The following PARP14 variants were observed in gnomAD, a reference collection of about 807,000 sequenced individuals.
The protein encoded by PARP14 is protein mono-ADP-ribosyltransferase PARP14.
PARP14 carries 59 observed loss-of-function variants against 154.2 expected under a neutral mutation model. That is an observed-to-expected ratio of 0.38 (90% CI 0.31 to 0.48). The LOEUF is 0.48. PARP14 is among the 20% of genes least tolerant of loss of function. PARP14 has a pLI of 0.98. For missense variants in PARP14, 1,734 were observed against 2,131.6 expected, an observed-to-expected ratio of 0.81 and a Z score of 3.67; for synonymous variants, 720 against 780.5, an observed-to-expected ratio of 0.92 and a Z score of 1.29.
rs1229373428 is a variant in PARP14, at chr3:122,718,075, T to A, written c.4005T>A (p.Asn1335Lys). Residue 1335 changes from asparagine to lysine, a missense_variant, in exon 13 of 17, where the codon AAT becomes AAA. This residue lies in a region of PARP14 where 1,646 missense variants were observed against 1,976.0 expected (regional missense o/e 0.83). Coordinates refer to ENST00000474629, the MANE Select transcript of PARP14 (RefSeq NM_017554.3). ...TTTTATTATTTGCTTTTCCAGGAAA[T>A]GCCAAACAACACCCAGATAAGGTTG... Reference protein sequence around the residue: ...SICLPAIGTGNAKQHPDKVAE... With the variant: ...SICLPAIGTGKAKQHPDKVAE... 6.2e-7 allele frequency: 1 copy of A among 1,613,260 alleles called. No homozygotes were observed. The highest frequency in any genetic ancestry group is 1.3e-5 in the African/African-American group (1 of 74,888).
At chr3:122,713,802 T>A (rs376752304) in intron 10 of PARP14, 70 bp from the exon 11 acceptor site, 22 of 1,148,230 alleles carry the variant, frequency 1.9e-5, no homozygotes, top group Non-Finnish European at 2.9e-5. Flanking sequence ...ATTCAGATAA[T>A]CCTTCTGATC....
intron 12 of PARP14, among the ~76,000 whole-genome samples, chr3:122,716,129 C>T (rs1932989172): frequency 6.6e-6 from 1 of 152,114 alleles, no homozygotes; most frequent in Non-Finnish European, 1.5e-5. Context: ...AGACTGTGAT[C>T]AAGACAGCCT....
At chr3:122,708,130 T>C in intron 8 of PARP14, 60 bp from the exon 9 acceptor site, 1 of 879,120 alleles carries the variant, frequency 1.1e-6, no homozygotes, top group Non-Finnish European at 1.8e-6. Flanking sequence ...AACACCCTGA[T>C]GATTCCAATT....
chr3:122,700,429 A>G lies in PARP14; in HGVS notation c.1875A>G (p.Gln625=), dbSNP rs1395200482. 3.1e-6 allele frequency: 5 copies of G among 1,613,676 alleles called. No homozygotes were observed. Among genetic ancestry groups the G allele is most frequent in the Non-Finnish European group, 4.2e-6 (5 of 1,179,716 alleles). The change falls in exon 6 of 17, where the codon CAA becomes CAG. Residue 625 remains glutamine (Q), a synonymous_variant. Coordinates refer to ENST00000474629, the MANE Select transcript of PARP14 (RefSeq NM_017554.3). ...TCACTCACAATTTGCTTAAGAAACAAAATTCCTCCCCAAACACTGTAATCA... is the reference window on the plus strand; with the variant it reads ...TCACTCACAATTTGCTTAAGAAACAGAATTCCTCCCCAAACACTGTAATCA... The part of the protein sequence containing the change: ...KGLTHNLLKK[Q]NSSPNTVIIN...
chr3:122,708,600 T>G (rs1347593537), intron 9 of PARP14, among the ~76,000 whole-genome samples: 2 of 152,224 alleles, frequency 1.3e-5, no homozygotes, highest in Non-Finnish European at 2.9e-5. Context: ...TTTGTCAAAT[T>G]TGTTGATGCC....
intron 12 of PARP14, among the ~76,000 whole-genome samples, chr3:122,715,674 A>G (rs1264712518): frequency 2.0e-5 from 3 of 150,438 alleles, no homozygotes; most frequent in Admixed American, 1.3e-4. Context: ...ATCTATCTCT[A>G]TCATCTCTCT....
Position 122,718,818 on chromosome 3 carries a change from T to C in PARP14, c.4667T>C (p.Leu1556Ser). The C allele has an allele frequency of 6.2e-7, 1 of 1,613,860 alleles. No individual in the cohort carries two copies. Among genetic ancestry groups the C allele is most frequent in the South Asian group, 1.1e-5 (1 of 91,074 alleles). Residue 1556 changes from leucine (L) to serine (S), a missense_variant, in exon 14 of 17, where the codon TTA becomes TCA. Leu to Ser is a moderately radical substitution (Grantham distance 145, BLOSUM62 -2). Around this residue, in one of 2 missense-constraint regions of PARP14, gnomAD observed 1,646 missense variants for 1,976.0 expected, o/e 0.83. Transcript: ENST00000474629. ...TTTAACAAAATGACCAATCTGAAAT[T>C]AGAGGATGCAAGGAGAGAAAAGAAA... ...HCFNKMTNLK[L>S]EDARREKKKT...
At position 122,701,645 on chromosome 3, in the gene PARP14, G is replaced by A. The variant is rs367782654; in HGVS notation, c.3081+10G>A. On this transcript the variant is annotated intron_variant, in intron 6 of 16. Transcript: ENST00000474629. This position sits in a 1 kb window ranked among gnomAD's most constrained non-coding sequence, Gnocchi z 4.0. ...TGTGCAGAATGCTAAGGTGAGTGTC[G>A]CTTTTACAGAACACCACCAGGGCAC... The A allele has an allele frequency of 3.2e-5, 49 of 1,551,918 alleles. No homozygotes were observed. In the East Asian group the frequency reaches 3.3e-4, roughly 10 times the overall value.
chr3:122,728,652 A>G lies in PARP14; in HGVS notation c.*55A>G. ...CTCCATTTGTACATATCTAGTTGTA[A>G]AACAAGTTTTAGCTTTTTTTTTTAA... On this transcript the variant is annotated 3_prime_UTR_variant, in exon 17 of 17. Transcript: ENST00000474629. 1.4e-6 allele frequency: 2 copies of G among 1,424,330 alleles called. No homozygotes were observed. The highest frequency in any genetic ancestry group is 1.3e-5 in the South Asian group (1 of 75,266). 88.2% of individuals were successfully genotyped at this position (1,424,330 alleles called of 1,614,324 possible). A position where few individuals can be genotyped will look rare whatever the true frequency, so the allele number is the denominator to read the frequency against.
intron 5 of PARP14, among the ~76,000 whole-genome samples, chr3:122,696,852 C>T (rs1325861589): frequency 6.6e-6 from 1 of 152,120 alleles, no homozygotes; most frequent in African/African-American, 2.4e-5. Context: ...ACTTTTTTGA[C>T]CACACCTCCT....
chr3:122,697,284 A>G (rs1455982457), intron 5 of PARP14, among the ~76,000 whole-genome samples: 2 of 152,102 alleles, frequency 1.3e-5, no homozygotes, highest in Non-Finnish European at 2.9e-5. Context: ...TTTAACTTAC[A>G]TTTGCATAGC....
chr3:122,705,344 T>C (rs1939120844), intron 8 of PARP14, among the ~76,000 whole-genome samples: 1 of 152,214 alleles, frequency 6.6e-6, no homozygotes, highest in South Asian at 2.1e-4. Flanking sequence ...TGGAGTTGAC[T>C]ATAGGATTTC....
Position 122,727,982 on chromosome 3 carries a change from G to A in PARP14, c.5112G>A (p.Lys1704=), listed in dbSNP as rs753690337. 2.2e-5 allele frequency: 36 copies of A among 1,609,186 alleles called. No homozygotes were observed. The highest frequency in any genetic ancestry group is 3.0e-5 in the Non-Finnish European group (35 of 1,177,794). ...GCTTTAACCGCAGCTATGCCGGAAA[G>A]AATGGTAAGGAAGCGAGTAATCTGG... ...RNGFNRSYAG[K]NAVAYGKGTY... The change falls in exon 16 of 17, where the codon AAG becomes AAA. Residue 1704 remains lysine (K), a synonymous_variant. Coordinates refer to ENST00000474629, the MANE Select transcript of PARP14 (RefSeq NM_017554.3).
At position 122,729,202 on chromosome 3, in the gene PARP14, C is replaced by T. The variant is rs1273720095; in HGVS notation, c.*605C>T. 1 of 152,862 alleles carries T rather than the reference C, an allele frequency of 6.5e-6. No individual in the cohort carries two copies. The highest frequency in any genetic ancestry group is 1.9e-4 in the East Asian group (1 of 5,208). The allele number at this position is 152,862 out of a possible 1,614,324, so 9.5% of individuals were successfully genotyped here. A position where few individuals can be genotyped will look rare whatever the true frequency, so the allele number is the denominator to read the frequency against. On this transcript the variant is annotated 3_prime_UTR_variant, in exon 17 of 17. Transcript: ENST00000474629. ...ACATTCTTGACTCACTATCACTTTA[C>T]CTCAAATTGAACAGATTCCATGACG... is the stretch of plus-strand genomic sequence containing the variant.
chr3:122,718,243 T>C lies in PARP14; in HGVS notation c.4173T>C (p.Leu1391=), dbSNP rs1167533237. 6.2e-7 allele frequency: 1 copy of C among 1,613,686 alleles called. No individual in the cohort carries two copies. Among genetic ancestry groups the C allele is most frequent in the African/African-American group, 1.3e-5 (1 of 75,068 alleles). Residue 1391 remains leucine (L), a synonymous_variant, in exon 13 of 17, where the codon CTT becomes CTC. Transcript: ENST00000474629. ...TGAAGAAAAGAGAAGGGACTCAGCT[T>C]TCTTCCCAACAGTCTGTGATGTCTA... ...ANMKKREGTQ[L]SSQQSVMSKL... is the part of the protein sequence containing the mutation.
chr3:122,698,769 A>G (rs1450563193), intron 5 of PARP14, among the ~76,000 whole-genome samples: 1 of 152,232 alleles, frequency 6.6e-6, no homozygotes, highest in Non-Finnish European at 1.5e-5. Context: ...ATTTATTATT[A>G]TGCTCCTCCT....
chr3:122,702,097 A>G (rs1328845917), intron 6 of PARP14, among the ~76,000 whole-genome samples: 8 of 152,198 alleles, frequency 5.3e-5, no homozygotes, highest in Admixed American at 1.3e-4. Context: ...TCAGCGCCCA[A>G]CACCAGTGAG....
At chr3:122,697,121 A>G (rs1304122344) in intron 5 of PARP14, among the ~76,000 whole-genome samples, 3 of 151,842 alleles carry the variant, frequency 2.0e-5, no homozygotes, top group African/African-American at 7.3e-5. Flanking sequence ...CCCAGCTAAT[A>G]TATTGTATTT....
At chr3:122,727,649 C>A (rs1372839107) in intron 15 of PARP14, among the ~76,000 whole-genome samples, 163 bp from the exon 16 acceptor site, 1 of 152,184 alleles carries the variant, frequency 6.6e-6, no homozygotes, top group Non-Finnish European at 1.5e-5. Flanking sequence ...TTTTATGAAA[C>A]ACTGGATCTA....
Sources: gnomAD v4.1 joint callset for allele counts (sites outside exome capture counted in the v4.1 genomes callset) on GRCh38, gnomAD v4.1.1 for gene constraint, gnomAD v4.1.1 regional missense constraint, Gnocchi (gnomAD v3.1) non-coding constraint, MANE v1.5 for transcripts, NCBI Gene and HGNC (gene_info 2026-07-23, HGNC 2026-07-21) for gene names.